The following SMARCC1 variants were observed in gnomAD, a reference collection of about 807,000 sequenced individuals.
SMARCC1 encodes SWI/SNF related BAF chromatin remodeling complex subunit C1.
SMARCC1 carries 43 observed loss-of-function variants against 147.4 expected under a neutral mutation model. The ratio of observed to expected loss-of-function variants is 0.29; its 90% CI spans 0.23 to 0.38. The LOEUF is 0.38. Among genes scored for constraint, SMARCC1 ranks in the 10% least tolerant of loss-of-function variants. The probability of loss-of-function intolerance (pLI) is 1.00; values close to 1 mark genes in which losing one functional copy is unlikely to be tolerated. For missense variants in SMARCC1, 1,119 were observed against 1,381.1 expected (o/e 0.81, Z 3.01); for synonymous variants, 495 against 484.4 (o/e 1.02, Z -0.29).
intron 2 of SMARCC1, among the ~76,000 whole-genome samples, chr3:47,768,093 G>T (rs2034862977): frequency 6.6e-6 from 1 of 152,016 alleles, no homozygotes; most frequent in East Asian, 1.9e-4. Context: ...GACCACCTTG[G>T]CCTCCCAAAG....
At chr3:47,717,560 G>C (rs1282505009) in intron 7 of SMARCC1, among the ~76,000 whole-genome samples, 2 of 152,056 alleles carry the variant, frequency 1.3e-5, no homozygotes, top group Non-Finnish European at 2.9e-5. Flanking sequence ...AACATTGACT[G>C]GATTTTTATT....
chr3:47,635,323 T>C lies in SMARCC1; in HGVS notation c.2513A>G (p.Asn838Ser). 6.2e-7 allele frequency: 1 copy of C among 1,612,586 alleles called. No homozygotes were observed. Among genetic ancestry groups the C allele is most frequent in the South Asian group, 1.1e-5 (1 of 91,044 alleles). The change falls in exon 24 of 28, where the codon AAC becomes AGC. Residue 838 changes from asparagine (N) to serine (S), a missense_variant. Asn to Ser is a conservative substitution (Grantham distance 46). Transcript: ENST00000254480. ...TTTACATGTATCAGTGAGTTCTTTG[T>C]TCTCTTCAGTCTCCTTTTCTTCTGA... ...TKSEEKETEE[N>S]KELTDTCKER...
chr3:47,601,538 T>C (rs937928782), intron 26 of SMARCC1, among the ~76,000 whole-genome samples: 1 of 152,020 alleles, frequency 6.6e-6, no homozygotes, highest in East Asian at 1.9e-4. Flanking sequence ...TGTGACAGAC[T>C]CTCTTTGTTG....
chr3:47,667,586 G>T (rs2033438331), intron 19 of SMARCC1, among the ~76,000 whole-genome samples: 1 of 152,076 alleles, frequency 6.6e-6, no homozygotes. Flanking sequence ...GGACTTAAAA[G>T]AAATTGTGAA....
intron 21 of SMARCC1, among the ~76,000 whole-genome samples, chr3:47,659,534 T>C (rs2033312130): frequency 6.6e-6 from 1 of 151,946 alleles, no homozygotes; most frequent in Non-Finnish European, 1.5e-5. Context: ...TGGTTCAACA[T>C]GTGAGAATCA....
intron 2 of SMARCC1, among the ~76,000 whole-genome samples, chr3:47,747,896 G>A (rs1167393502): frequency 6.6e-6 from 1 of 152,098 alleles, no homozygotes; most frequent in Admixed American, 6.6e-5. Context: ...GGTGGCTCAC[G>A]CCTGTAATCC....
At chr3:47,724,925 C>T (rs753024944) in intron 6 of SMARCC1, among the ~76,000 whole-genome samples, 2 of 150,994 alleles carry the variant, frequency 1.3e-5, no homozygotes, top group East Asian at 3.9e-4. Context: ...GTGTTGTGCA[C>T]CACCAGTCCC....
intron 24 of SMARCC1, among the ~76,000 whole-genome samples, chr3:47,633,755 A>AAG (rs2032923958): frequency 2.0e-5 from 1 of 49,438 alleles, no homozygotes; most frequent in Non-Finnish European, 4.7e-5. Context: ...AAAAAAAAAA[A>AAG]AAAAAAAAAT....
intron 21 of SMARCC1, among the ~76,000 whole-genome samples, chr3:47,659,249 CTT>C (rs924332841): frequency 1.4e-5 from 2 of 145,796 alleles, no homozygotes; most frequent in African/African-American, 5.0e-5. Context: ...GCTCCTCAAA[CTT>C]TTCTAAAAAT....
chr3:47,750,617 A>T (rs1411836006), intron 2 of SMARCC1, among the ~76,000 whole-genome samples: 1 of 152,162 alleles, frequency 6.6e-6, no homozygotes, highest in Non-Finnish European at 1.5e-5. Context: ...TGACTGATTC[A>T]TATATTTAAT....
chr3:47,704,989 C>CA (rs34157187), intron 10 of SMARCC1, among the ~76,000 whole-genome samples: 2,590 of 65,708 alleles, frequency 0.039, 41 homozygotes, highest in Middle Eastern at 0.06. Flanking sequence ...GACCCTGTCT[C>CA]AAAAAAAAAA....
intron 2 of SMARCC1, among the ~76,000 whole-genome samples, chr3:47,758,608 A>G (rs994860332): frequency 2.6e-5 from 4 of 152,168 alleles, no homozygotes; most frequent in Non-Finnish European, 5.9e-5. Flanking sequence ...TCATTTACGT[A>G]TTGTATATAG....
intron 6 of SMARCC1, among the ~76,000 whole-genome samples, chr3:47,721,789 T>C (rs1376480710): frequency 1.3e-5 from 2 of 152,002 alleles, no homozygotes; most frequent in African/African-American, 4.8e-5. Context: ...GGCAGGAAGA[T>C]CACTTGAGCC....
chr3:47,775,429 G>A (rs1265196144), intron 1 of SMARCC1, among the ~76,000 whole-genome samples: 1 of 148,048 alleles, frequency 6.8e-6, no homozygotes, highest in African/African-American at 2.5e-5. Flanking sequence ...CAAAGTGCTG[G>A]GATTACAGGT....
intron 2 of SMARCC1, among the ~76,000 whole-genome samples, chr3:47,770,660 C>T (rs576806627): frequency 7.2e-4 from 109 of 151,874 alleles, no homozygotes; most frequent in Non-Finnish European, 9.9e-4. Context: ...AGCAACACCC[C>T]GTCTCTATCT....
Position 47,684,440 on chromosome 3 carries a change from A to AT in SMARCC1, c.1385+1608dup, listed in dbSNP as rs765703558. On this transcript the variant is annotated intron_variant, in intron 14 of 27. Transcript: ENST00000254480. ...AAAATAAAGCTATTATTGGGTAGTA[A>AT]TTTTTTTTTTTTTTTGGGAGACAGA... is the stretch of plus-strand genomic sequence containing the variant. 4.9e-3 allele frequency among the ~76,000 whole-genome samples: 688 copies of AT among 141,726 alleles called. 1 individual carries two copies. The highest frequency in any genetic ancestry group is 0.012 in the African/African-American group (477 of 38,848). The allele number at this position is 141,726 out of a possible 152,430, so 93.0% of individuals were successfully genotyped here. A position where few individuals can be genotyped will look rare whatever the true frequency, so the allele number is the denominator to read the frequency against.
Position 47,697,842 on chromosome 3 carries a change from C to T in SMARCC1, c.1165+3436G>A, listed in dbSNP as rs1473259564. ...CTAACATGGTGAAACCCCGTCTCTACTAAAAATACAAAAAAATTAGCCAGG... is the reference window on the plus strand; with the variant it reads ...CTAACATGGTGAAACCCCGTCTCTATTAAAAATACAAAAAAATTAGCCAGG... On this transcript the variant is annotated intron_variant, in intron 11 of 27. Coordinates refer to ENST00000254480, the MANE Select transcript of SMARCC1 (RefSeq NM_003074.4). 2.9e-4 allele frequency among the ~76,000 whole-genome samples: 44 copies of T among 150,764 alleles called. No individual in the cohort carries two copies. The South Asian group carries it at 4.2e-3, about 14-fold the overall frequency.
chr3:47,609,720 C>A (rs74404154), intron 26 of SMARCC1, among the ~76,000 whole-genome samples: 171 of 152,220 alleles, frequency 1.1e-3, no homozygotes, highest in African/African-American at 3.8e-3. Context: ...TTGTTGAAAC[C>A]AGGTCATGGG....
intron 3 of SMARCC1, among the ~76,000 whole-genome samples, chr3:47,744,489 T>C (rs745887341): frequency 2.0e-5 from 3 of 152,178 alleles, no homozygotes; most frequent in Non-Finnish European, 4.4e-5. Flanking sequence ...ATTTATTTAA[T>C]TACACACTTG....
Sources: gnomAD v4.1 joint callset for allele counts (sites outside exome capture counted in the v4.1 genomes callset) on GRCh38, gnomAD v4.1.1 for gene constraint, MANE v1.5 for transcripts, NCBI Gene and HGNC (gene_info 2026-07-23, HGNC 2026-07-21) for gene names.